The following SGSM2 variants were observed in gnomAD, a reference collection of about 807,000 sequenced individuals.
SGSM2 encodes RUN and TBC1 domain containing 1.
A neutral mutation model predicts 126.6 loss-of-function variants in SGSM2; 89 were observed. That is an observed-to-expected ratio of 0.70 (90% CI 0.59 to 0.84). SGSM2 has a LOEUF of 0.84. SGSM2 is among the 40% of genes least tolerant of loss of function. The pLI, the probability that SGSM2 is intolerant of heterozygous loss-of-function variation, is 0.00. For missense variants in SGSM2, 1,404 were observed against 1,416.6 expected (o/e 0.99, Z 0.14); for synonymous variants, 614 against 574.3 (o/e 1.07, Z -0.99).
At position 2,371,404 on chromosome 17, in the gene SGSM2, C is replaced by A; in HGVS notation, c.1566C>A (p.Cys522Ter). ...ATGCAACCCCCAGCCACTGTAGCTG[C>A]ATCCCCGACCGGTGAGTGGGCAGCG... Reference protein sequence around the residue: ...SPHATPSHCSCIPDRLPLRLL... With the variant: ...SPHATPSHCS The change falls in exon 13 of 24, where the codon TGC becomes TGA. Residue 522 changes from cysteine to a stop codon, truncating the protein, a stop_gained. Transcript: ENST00000268989. LOFTEE classifies it high-confidence loss of function. The A allele has an allele frequency of 6.2e-7, 1 of 1,600,720 alleles. No homozygotes were observed. The highest frequency in any genetic ancestry group is 8.5e-7 in the Non-Finnish European group (1 of 1,172,996).
chr17:2,363,179 C>A lies in SGSM2; in HGVS notation c.672+45C>A. 6.5e-7 allele frequency: 1 copy of A among 1,549,768 alleles called. No homozygotes were observed. Among genetic ancestry groups the A allele is most frequent in the South Asian group, 1.2e-5 (1 of 85,182 alleles). On this transcript the variant is annotated intron_variant, in intron 6 of 23. Coordinates refer to ENST00000268989, the MANE Select transcript of SGSM2 (RefSeq NM_014853.3). This position sits in a 1 kb window ranked among gnomAD's most constrained non-coding sequence, Gnocchi z 4.2. ...CCTTTGGGCTCATCTGGGCTATGCC[C>A]ATGGGCCTGTAGGGACGGGAAACCG...
Position 2,379,158 on chromosome 17 carries a change from C to G in SGSM2, c.3022C>G (p.Arg1008Gly), listed in dbSNP as rs562371883. ...ALVEAYREII[R>G]DNNMDFTDII... ...GGTGGAGGCCTACCGAGAGATCATCCGTGACAACAACATGGACTTCACTGA... is the reference window on the plus strand; with the variant it reads ...GGTGGAGGCCTACCGAGAGATCATCGGTGACAACAACATGGACTTCACTGA... The change falls in exon 23 of 24, where the codon CGT becomes GGT. Residue 1008 changes from arginine (R) to glycine (G), a missense_variant. Coordinates refer to ENST00000268989, the MANE Select transcript of SGSM2 (RefSeq NM_014853.3). 6.2e-7 allele frequency: 1 copy of G among 1,614,118 alleles called. No homozygotes were observed. The highest frequency in any genetic ancestry group is 8.5e-7 in the Non-Finnish European group (1 of 1,180,020).
At chr17:2,373,125 G>A (rs1482245352) in intron 16 of SGSM2, 44 bp downstream of exon 16, 1 of 1,606,500 alleles carries the variant, frequency 6.2e-7, no homozygotes, top group Non-Finnish European at 8.5e-7. Flanking sequence ...ATGGGGAGCT[G>A]GGCCAGGGGA....
At chr17:2,370,564 A>G (rs560928900) in intron 12 of SGSM2, among the ~76,000 whole-genome samples, 3 of 144,702 alleles carry the variant, frequency 2.1e-5, no homozygotes, top group Admixed American at 6.9e-5. Context: ...ACTTCCATCC[A>G]GCTCCCTGGT....
rs765711090 is a variant in SGSM2 at position 2,375,828 on chromosome 17, C to A, written c.2437C>A (p.Leu813Met). The stretch of plus-strand genomic sequence containing the variant: ...CCAGGAGAAGCCTCAGGCCGGAGAA[C>A]TGGAGGCCGGAGAGGAGCTTGCGGC... Reference protein sequence around the residue: ...PSQEKPQAGELEAGEELAAVC... With the variant: ...PSQEKPQAGEMEAGEELAAVC... The change falls in exon 18 of 24, where the codon CTG (leucine) becomes ATG (methionine). Residue 813 changes from leucine to methionine, a missense_variant. Leu to Met is a conservative substitution (Grantham distance 15). Transcript: ENST00000268989. 9.7e-6 allele frequency: 15 copies of A among 1,546,318 alleles called. No individual in the cohort carries two copies. The highest frequency in any genetic ancestry group is 9.5e-5 in the Admixed American group (5 of 52,684).
At position 2,361,773 on chromosome 17, in the gene SGSM2, G is replaced by A. The variant is rs769825102; in HGVS notation, c.270G>A (p.Gln90=). Residue 90 remains glutamine, a synonymous_variant, in exon 3 of 24, where the codon CAG becomes CAA. Transcript: ENST00000268989. ...CGGGGGAGATTTGCCACAAGGTACA[G>A]GAGCTGCAGCAACAAGCAGAGGGCA... ...PVAGEICHKV[Q]ELQQQAEGRK... is the part of the protein sequence containing the mutation. 3.7e-6 allele frequency: 6 copies of A among 1,610,572 alleles called. No individual in the cohort carries two copies. The East Asian group carries it at 8.9e-5, about 24-fold the overall frequency.
chr17:2,343,122 C>A (rs1390065870), intron 1 of SGSM2, among the ~76,000 whole-genome samples: 1 of 152,134 alleles, frequency 6.6e-6, no homozygotes, highest in African/African-American at 2.4e-5. Context: ...ATGAGACCTA[C>A]CCCTAACCTT....
intron 11 of SGSM2, among the ~76,000 whole-genome samples, chr17:2,366,117 G>A (rs1414985026): frequency 6.6e-6 from 1 of 152,172 alleles, no homozygotes. Flanking sequence ...ACCAACTACT[G>A]ATGAGCGTTA....
At position 2,337,848 on chromosome 17, in the gene SGSM2, A is replaced by C; in HGVS notation, c.57+103A>C. The stretch of plus-strand genomic sequence containing the variant: ...CCCCCGGCGCGGGCACCCGGGCCGA[A>C]CCTGGGCCGGGCGGGGCGGGTCCTG... On this transcript the variant is annotated intron_variant, in intron 1 of 23. Coordinates refer to ENST00000268989, the MANE Select transcript of SGSM2 (RefSeq NM_014853.3). The surrounding 1 kb of genome is among the most constrained non-coding windows in gnomAD (Gnocchi z 5.1). 8 of 739,434 alleles carry C rather than the reference A, an allele frequency of 1.1e-5. No individual in the cohort carries two copies. Among genetic ancestry groups the C allele is most frequent in the African/African-American group, 3.8e-5 (2 of 52,328 alleles). 45.8% of individuals were successfully genotyped at this position (739,434 alleles called of 1,614,324 possible).
intron 2 of SGSM2, among the ~76,000 whole-genome samples, chr17:2,358,679 G>A (rs1027070187): frequency 1.3e-5 from 2 of 151,676 alleles, no homozygotes; most frequent in African/African-American, 2.4e-5. Context: ...ACCGTTGCAC[G>A]CCAGACCAGG....
Position 2,373,499 on chromosome 17 carries a change from A to G in SGSM2, c.2086A>G (p.Thr696Ala). 1.2e-6 allele frequency: 2 copies of G among 1,603,070 alleles called. No homozygotes were observed. The highest frequency in any genetic ancestry group is 1.3e-5 in the African/African-American group (1 of 74,886). The change falls in exon 17 of 24, where the codon ACC becomes GCC. Residue 696 changes from threonine (T) to alanine (A), a missense_variant. Coordinates refer to ENST00000268989, the MANE Select transcript of SGSM2 (RefSeq NM_014853.3). ...HVQRLIHRDS[T>A]ISNDVFISVD... ...GCAGCGCCTCATCCACCGAGACTCC[A>G]CCATCAGCAACGATGTGAGCCAGAC...
intron 10 of SGSM2, 51 bp downstream of exon 10, chr17:2,365,108 C>T: frequency 6.3e-7 from 1 of 1,599,744 alleles, no homozygotes; most frequent in Non-Finnish European, 8.5e-7. Flanking sequence ...GGGTTCTCTG[C>T]CCGCCTCCCT....
chr17:2,370,023 GGA>G (rs1174643400), intron 12 of SGSM2, among the ~76,000 whole-genome samples: 1 of 152,180 alleles, frequency 6.6e-6, no homozygotes, highest in African/African-American at 2.4e-5. Context: ...AACCGCTGAG[GGA>G]ACCGGAAGGG....
intron 12 of SGSM2, among the ~76,000 whole-genome samples, chr17:2,369,492 C>T (rs980211032): frequency 6.6e-6 from 1 of 152,194 alleles, no homozygotes; most frequent in Non-Finnish European, 1.5e-5. Flanking sequence ...GACCCCCCTC[C>T]CCCCGTCCAG....
chr17:2,370,329 G>T (rs2065809446), intron 12 of SGSM2, among the ~76,000 whole-genome samples: 1 of 152,236 alleles, frequency 6.6e-6, no homozygotes, highest in Non-Finnish European at 1.5e-5. Context: ...CTTAAGCAGT[G>T]CCCTGCCCCA....
In SGSM2 at chr17:2,376,826, G is replaced by T. The variant is rs780538830; in HGVS notation, c.2692+11G>T. ...TCACCCTCGACAATGGTGAGGGATG[G>T]CGGGACATGGGACTGGGCTGCGTAA... On this transcript the variant is annotated intron_variant, in intron 20 of 23. Coordinates refer to ENST00000268989, the MANE Select transcript of SGSM2 (RefSeq NM_014853.3). 4.0e-5 allele frequency: 65 copies of T among 1,613,910 alleles called. No homozygotes were observed. Among genetic ancestry groups the T allele is most frequent in the Non-Finnish European group, 5.4e-5 (64 of 1,180,016 alleles).
chr17:2,342,748 G>A (rs1264279018), intron 1 of SGSM2, among the ~76,000 whole-genome samples: 1 of 151,964 alleles, frequency 6.6e-6, no homozygotes, highest in Admixed American at 6.6e-5. Context: ...GAGGCCGGGC[G>A]GGTGGATCAC....
rs972693689 is a variant in SGSM2 at position 2,376,123 on chromosome 17, C to G, written c.2485-14C>G. 1.1e-5 allele frequency: 18 copies of G among 1,613,940 alleles called. No homozygotes were observed. The highest frequency in any genetic ancestry group is 1.3e-5 in the African/African-American group (1 of 75,058). ...CTGCCCGGTCTCATGCCTGAGGGCC[C>G]TCCACTCTTCCAGATAGAATTACTG... On this transcript the variant is annotated splice_polypyrimidine_tract_variant and intron_variant, in intron 18 of 23. Transcript: ENST00000268989.
rs557469428 is a variant in SGSM2, at chr17:2,369,693, CCT to C, written c.1424-1568_1424-1567del. Among the ~76,000 whole-genome samples the C allele has an allele frequency of 4.5e-4, 69 of 152,182 alleles. 2 individuals are homozygous for C. Among genetic ancestry groups the C allele is most frequent in the Admixed American group, 2.7e-3 (41 of 15,292 alleles). The stretch of plus-strand genomic sequence containing the variant: ...CCCTTTGCCCACCCCCGCCCTCACC[CCT>C]GTTGCCCTCCCTGCCTGCCCGCCTG... On this transcript the variant is annotated intron_variant, in intron 12 of 23. Coordinates refer to ENST00000268989, the MANE Select transcript of SGSM2 (RefSeq NM_014853.3).
Sources: allele counts gnomAD v4.1 joint callset (sites outside exome capture counted in the v4.1 genomes callset), GRCh38; gene constraint gnomAD v4.1.1; non-coding constraint Gnocchi (gnomAD v3.1); transcripts MANE v1.5; gene names NCBI Gene and HGNC (gene_info 2026-07-23, HGNC 2026-07-21).